Variants in RPAP1 observed in about 807,000 individuals in gnomAD.
RPAP1 encodes RNA polymerase II associated protein 1.
A neutral mutation model predicts 142.4 loss-of-function variants in RPAP1; 109 were observed. The observed-to-expected ratio is 0.77, with a 90% CI of 0.66 to 0.90. The LOEUF is 0.90. Ranked by LOEUF, RPAP1 falls within the 40% of genes least tolerant of loss-of-function variation. The pLI, the probability that RPAP1 is intolerant of heterozygous loss-of-function variation, is 0.00. For missense variants in RPAP1, 1,546 were observed against 1,751.7 expected (o/e 0.88, Z 2.10); for synonymous variants, 704 against 738.9 (o/e 0.95, Z 0.77).
chr15:41,535,904 T>C (rs530911550), intron 4 of RPAP1, among the ~76,000 whole-genome samples: 3 of 152,178 alleles, frequency 2.0e-5, no homozygotes, highest in African/African-American at 7.2e-5. Flanking sequence ...TTTCCTCATA[T>C]GAAAAATGGG....
At chr15:41,529,827 C>A (rs2305031) in intron 8 of RPAP1, 37 bp downstream of exon 8, 87,035 of 1,480,286 alleles carry the variant, frequency 0.059, 4,144 homozygotes, top group East Asian at 0.3. Flanking sequence ...CCTGCCCTAT[C>A]TCACCCACCC....
In RPAP1 at chr15:41,537,494, G is replaced by C. The variant is rs575514597; in HGVS notation, c.-76-293C>G. Among the ~76,000 whole-genome samples the C allele has an allele frequency of 4.6e-5, 7 of 152,234 alleles. No individual in the cohort carries two copies. In the East Asian group the frequency reaches 1.4e-3, roughly 29 times the overall value. ...CGAGCAGATAAATGTTGTCATAATG[G>C]GGGGGTGATGATTCTGTATCAAACT... On this transcript the variant is annotated intron_variant, in intron 1 of 24. Coordinates refer to ENST00000304330, the MANE Select transcript of RPAP1 (RefSeq NM_015540.4).
intron 8 of RPAP1, 55 bp downstream of exon 8, chr15:41,529,809 G>C: frequency 3.1e-6 from 4 of 1,288,086 alleles, no homozygotes; most frequent in Non-Finnish European, 4.3e-6. Flanking sequence ...AAGAGCAGCA[G>C]CTCCTCTCCT....
Position 41,526,895 on chromosome 15 carries a change from C to A in RPAP1, c.1917+3G>T. ...CCCATCCCTTGCCCTGTGTCCTGCT[C>A]ACCAGCCGGGCAGCAATATTCCTCC... is the stretch of plus-strand genomic sequence containing the variant. On this transcript the variant is annotated splice_donor_region_variant and intron_variant, in intron 14 of 24. Coordinates refer to ENST00000304330, the MANE Select transcript of RPAP1 (RefSeq NM_015540.4). The A allele has an allele frequency of 1.2e-6, 2 of 1,608,564 alleles. No homozygotes were observed. Among genetic ancestry groups the A allele is most frequent in the South Asian group, 2.2e-5 (2 of 90,426 alleles).
At chr15:41,524,796 G>A (rs955766761) in intron 15 of RPAP1, among the ~76,000 whole-genome samples, 195 bp downstream of exon 15, 8 of 152,112 alleles carry the variant, frequency 5.3e-5, no homozygotes, top group Admixed American at 2.0e-4. Context: ...CATAGAATAC[G>A]GTTAAGCCAG....
intron 1 of RPAP1, among the ~76,000 whole-genome samples, chr15:41,543,267 T>C (rs903277519): frequency 3.7e-5 from 5 of 134,778 alleles, no homozygotes; most frequent in African/African-American, 5.5e-5. Flanking sequence ...TGGAGTGCAA[T>C]AGCACGATCT....
At chr15:41,531,620 T>C in intron 6 of RPAP1, among the ~76,000 whole-genome samples, 1 of 18,108 alleles carries the variant, frequency 5.5e-5, no homozygotes, top group Non-Finnish European at 9.4e-5. Context: ...TATATATATA[T>C]ATATATATTT....
At position 41,528,295 on chromosome 15, in the gene RPAP1, G is replaced by T. The variant is rs757655720; in HGVS notation, c.1200C>A (p.Arg400=). ...YSLQELFHLT[R]SQVSQQRALA... ...GTGCTCTCTGCTGGGAAACCTGGCT[G>T]CGGGTCAGGTGGAACAGCTCCTGTA... The change falls in exon 10 of 25, where the codon CGC becomes CGA. Residue 400 remains arginine, a synonymous_variant. Coordinates refer to ENST00000304330, the MANE Select transcript of RPAP1 (RefSeq NM_015540.4). 38 of 1,606,322 alleles carry T rather than the reference G, an allele frequency of 2.4e-5. 1 individual carries two copies. The South Asian group carries it at 4.0e-4, about 17-fold the overall frequency.
Position 41,530,051 on chromosome 15 carries a change from C to T in RPAP1, c.944-72G>A, listed in dbSNP as rs528824964. 88 of 1,046,142 alleles carry T rather than the reference C, an allele frequency of 8.4e-5. No individual in the cohort carries two copies. In the African/African-American group the frequency reaches 1.3e-3, roughly 16 times the overall value. 64.8% of individuals were successfully genotyped at this position (1,046,142 alleles called of 1,614,324 possible). On this transcript the variant is annotated intron_variant, in intron 7 of 24. Coordinates refer to ENST00000304330, the MANE Select transcript of RPAP1 (RefSeq NM_015540.4). Reference sequence around the variant, plus strand: ...TATCCACAGGGGTCCCCACCATCACCCAGCAGCTGCCACATCCACTTCTGT... The same window carrying T: ...TATCCACAGGGGTCCCCACCATCACTCAGCAGCTGCCACATCCACTTCTGT...
chr15:41,526,895 C>T lies in RPAP1; in HGVS notation c.1917+3G>A. ...CCCATCCCTTGCCCTGTGTCCTGCT[C>T]ACCAGCCGGGCAGCAATATTCCTCC... On this transcript the variant is annotated splice_donor_region_variant and intron_variant, in intron 14 of 24. Transcript: ENST00000304330. 6.2e-7 allele frequency: 1 copy of T among 1,608,564 alleles called. No homozygotes were observed. The highest frequency in any genetic ancestry group is 8.5e-7 in the Non-Finnish European group (1 of 1,176,218).
Position 41,525,132 on chromosome 15 carries a change from A to C in RPAP1, c.1934T>G (p.Leu645Arg), listed in dbSNP as rs1422593568. 1.9e-6 allele frequency: 3 copies of C among 1,610,902 alleles called. No homozygotes were observed. The highest frequency in any genetic ancestry group is 2.5e-6 in the Non-Finnish European group (3 of 1,178,570). The change falls in exon 15 of 25, where the codon CTC (leucine) becomes CGC (arginine). Residue 645 changes from leucine to arginine, a missense_variant. Transcript: ENST00000304330. The stretch of plus-strand genomic sequence containing the variant: ...TATGATGCGGCACAGGCGGCTCCGG[A>C]GATCAAAGCTGCTCAACTGGAAATG... ...IAARLLSSFD[L>R]RSRLCRIIAE...
At chr15:41,527,395 T>C in intron 12 of RPAP1, 28 bp downstream of exon 12, 4 of 1,613,562 alleles carry the variant, frequency 2.5e-6, no homozygotes, top group Non-Finnish European at 3.4e-6. Flanking sequence ...CCCTGGGCCA[T>C]GGGATGGGAA....
rs540831974 is a variant in RPAP1, at chr15:41,517,483, A to G, written c.*59T>C. The G allele has an allele frequency of 7.6e-5, 108 of 1,426,298 alleles. 1 individual carries two copies. In the Middle Eastern group the frequency reaches 1.7e-3, roughly 22 times the overall value. The allele number at this position is 1,426,298 out of a possible 1,614,324, so 88.4% of individuals were successfully genotyped here. On this transcript the variant is annotated 3_prime_UTR_variant, in exon 25 of 25. Coordinates refer to ENST00000304330, the MANE Select transcript of RPAP1 (RefSeq NM_015540.4). ...CACAATGTTCTTCGTCTGGCCAGAC[A>G]TCTGTTGAAAGGCTGGATACAGGAC...
chr15:41,528,918 GC>G, intron 9 of RPAP1, among the ~76,000 whole-genome samples: 1 of 152,182 alleles, frequency 6.6e-6, no homozygotes, highest in East Asian at 1.9e-4. Flanking sequence ...TGGCAGGGGG[GC>G]GGAGAATGGA....
intron 1 of RPAP1, among the ~76,000 whole-genome samples, chr15:41,537,993 C>A (rs1346658796): frequency 6.6e-6 from 1 of 152,138 alleles, no homozygotes; most frequent in Non-Finnish European, 1.5e-5. Flanking sequence ...CCTGTAATCC[C>A]AGCACTTTGG....
At position 41,520,596 on chromosome 15, in the gene RPAP1, A is replaced by G. The variant is rs2081461163; in HGVS notation, c.3590T>C (p.Leu1197Pro). Residue 1197 changes from leucine to proline, a missense_variant, in exon 22 of 25, where the codon CTG becomes CCG. Coordinates refer to ENST00000304330, the MANE Select transcript of RPAP1 (RefSeq NM_015540.4). ...CGTCAGGCCAGGGAGTCGGCAGTCC[A>G]GGTTGAGGTTTGGCAAGACTTGAGG... ...CQPQVLPNLN[L>P]DCRLPGLTSF... The G allele has an allele frequency of 6.2e-7, 1 of 1,614,212 alleles. No individual in the cohort carries two copies. The highest frequency in any genetic ancestry group is 1.7e-5 in the Admixed American group (1 of 60,026).
At chr15:41,541,976 G>C (rs888913788) in intron 1 of RPAP1, among the ~76,000 whole-genome samples, 1 of 152,136 alleles carries the variant, frequency 6.6e-6, no homozygotes, top group Non-Finnish European at 1.5e-5. Context: ...AGGCTAAAGG[G>C]GTAGAAATGG....
chr15:41,530,028 TC>T, intron 7 of RPAP1, 49 bp from the exon 8 acceptor site: 1 of 1,437,948 alleles, frequency 7.0e-7, no homozygotes, highest in Non-Finnish European at 9.7e-7. Flanking sequence ...CAGCTCACTA[TC>T]CACAGGGGTC....
In RPAP1 at chr15:41,517,753, C is replaced by G. The variant is rs376756957; in HGVS notation, c.4032+45G>C. On this transcript the variant is annotated intron_variant, in intron 24 of 24. Coordinates refer to ENST00000304330, the MANE Select transcript of RPAP1 (RefSeq NM_015540.4). ...GAGATCCTGTTGTGGTCTCTGTCCC[C>G]CAAGATCCTCTAATATCCCACCCTC... 1.7e-5 allele frequency: 27 copies of G among 1,613,948 alleles called. No individual in the cohort carries two copies. The Admixed American group carries it at 3.5e-4, about 21-fold the overall frequency.
Sources: allele counts gnomAD v4.1 joint callset (sites outside exome capture counted in the v4.1 genomes callset), GRCh38; gene constraint gnomAD v4.1.1; transcripts MANE v1.5; gene names NCBI Gene and HGNC (gene_info 2026-07-23, HGNC 2026-07-21).